The following ADK variants were observed in gnomAD, a reference collection of about 807,000 sequenced individuals.
ADK encodes N6,N6-dimethyladenosine kinase.
A neutral mutation model predicts 44.7 loss-of-function variants in ADK; 24 were observed. The observed-to-expected ratio is 0.54, with a 90% CI of 0.39 to 0.76. The LOEUF (loss-of-function observed/expected upper bound fraction) is 0.76, where lower values mean the gene tolerates loss of function less well. Among genes scored for constraint, ADK ranks in the 30% least tolerant of loss-of-function variants. The pLI is 0.00. For synonymous variants in ADK, 128 were observed against 142.6 expected (o/e 0.90, Z 0.73); for missense variants, 321 against 425.1 (o/e 0.76, Z 2.15).
At chr10:74,474,107 A>G (rs1318534577) in intron 6 of ADK, among the ~76,000 whole-genome samples, 2 of 151,806 alleles carry the variant, frequency 1.3e-5, no homozygotes, top group East Asian at 3.9e-4. Context: ...CTTTGCTTCC[A>G]TTTTTAATAT....
rs182369444 is a variant in ADK at position 74,556,639 on chromosome 10, A to C, written c.726+31213A>C. ...AGTCTTACTGAGCAATTCTTAACCA[A>C]TCTTAGCTTTTCTCCTACTGTCTCC... is the stretch of plus-strand genomic sequence containing the variant. On this transcript the variant is annotated intron_variant, in intron 7 of 10. Coordinates refer to ENST00000539909, the MANE Select transcript of ADK (RefSeq NM_006721.4). Among the ~76,000 whole-genome samples, 19 of 152,248 alleles carry C rather than the reference A, an allele frequency of 1.2e-4. No individual in the cohort carries two copies. In the East Asian group the frequency reaches 2.9e-3, roughly 23 times the overall value.
intron 9 of ADK, among the ~76,000 whole-genome samples, chr10:74,609,007 C>A (rs1430755073): frequency 6.6e-6 from 1 of 152,052 alleles, no homozygotes. Context: ...ACTTTTTTTG[C>A]GAACTTTGTT....
chr10:74,618,673 A>G (rs1488326765), intron 9 of ADK, among the ~76,000 whole-genome samples: 3 of 152,066 alleles, frequency 2.0e-5, no homozygotes, highest in Non-Finnish European at 4.4e-5. Flanking sequence ...ATACTTTTTG[A>G]GTTCTTTATA....
At chr10:74,672,848 G>GA (rs974411164) in intron 10 of ADK, among the ~76,000 whole-genome samples, 2 of 151,972 alleles carry the variant, frequency 1.3e-5, no homozygotes, top group African/African-American at 4.8e-5. Context: ...TTTTACTGAT[G>GA]AAAAAAACAG....
intron 6 of ADK, among the ~76,000 whole-genome samples, chr10:74,401,385 G>T (rs2132874812): frequency 6.6e-6 from 1 of 152,240 alleles, no homozygotes; most frequent in South Asian, 2.1e-4. Flanking sequence ...ATGAATCTGG[G>T]TGCTCCTGTA....
intron 4 of ADK, among the ~76,000 whole-genome samples, chr10:74,326,557 A>C (rs1009415688): frequency 6.6e-6 from 1 of 152,028 alleles, no homozygotes; most frequent in Non-Finnish European, 1.5e-5. Context: ...GCTGCAGTGA[A>C]CTATGATCAT....
chr10:74,408,867 C>G (rs1483511489), intron 6 of ADK, among the ~76,000 whole-genome samples: 1 of 151,980 alleles, frequency 6.6e-6, no homozygotes, highest in African/African-American at 2.4e-5. Flanking sequence ...GAGTGGTTGG[C>G]CTTCATGTCT....
chr10:74,422,325 A>G (rs139123206), intron 6 of ADK, among the ~76,000 whole-genome samples: 1 of 152,262 alleles, frequency 6.6e-6, no homozygotes, highest in African/African-American at 2.4e-5. Flanking sequence ...GTTGTGAACA[A>G]TGAAGAAAGA....
chr10:74,371,652 A>G, intron 4 of ADK: 3 of 1,019,934 alleles, frequency 2.9e-6, no homozygotes, highest in Non-Finnish European at 3.1e-6. Context: ...GTACATCTCT[A>G]TAAGGAAAAG....
At chr10:74,160,711 G>GTGTGTA (rs1485428052) in intron 1 of ADK, among the ~76,000 whole-genome samples, 6 of 150,020 alleles carry the variant, frequency 4.0e-5, no homozygotes, top group Non-Finnish European at 8.9e-5. Context: ...GTGTGTGTGT[G>GTGTGTA]TGTGTGTATG....
chr10:74,298,782 A>G, intron 3 of ADK, among the ~76,000 whole-genome samples: 1 of 147,796 alleles, frequency 6.8e-6, no homozygotes, highest in South Asian at 2.1e-4. Flanking sequence ...AAAACAAACC[A>G]GAATTGAGGA....
chr10:74,263,136 C>T (rs1292388366), intron 3 of ADK, among the ~76,000 whole-genome samples: 2 of 152,170 alleles, frequency 1.3e-5, no homozygotes, highest in Non-Finnish European at 2.9e-5. Context: ...TCGTCTCCCA[C>T]CCCAAATATT....
intron 9 of ADK, among the ~76,000 whole-genome samples, chr10:74,663,743 A>G (rs991576348): frequency 6.6e-6 from 1 of 152,230 alleles, no homozygotes; most frequent in African/African-American, 2.4e-5. Context: ...AGTTAACTAG[A>G]AAATTAAATT....
At chr10:74,675,741 GT>G (rs1402643813) in intron 10 of ADK, among the ~76,000 whole-genome samples, 4 of 152,158 alleles carry the variant, frequency 2.6e-5, no homozygotes, top group African/African-American at 9.6e-5. Flanking sequence ...CACTGTCATT[GT>G]TCCCAGTGAA....
intron 6 of ADK, among the ~76,000 whole-genome samples, chr10:74,431,623 C>G (rs568895853): frequency 7.2e-5 from 11 of 152,216 alleles, no homozygotes; most frequent in Admixed American, 7.2e-4. Flanking sequence ...CACCTGTAAT[C>G]TCAGTTGCTC....
chr10:74,477,516 T>G (rs561795139), intron 6 of ADK, among the ~76,000 whole-genome samples: 6 of 152,214 alleles, frequency 3.9e-5, no homozygotes, highest in Non-Finnish European at 2.9e-5. Context: ...CCAAGATTTT[T>G]TAAAAGATAA....
chr10:74,457,125 A>G (rs548881078), intron 6 of ADK, among the ~76,000 whole-genome samples: 1 of 152,250 alleles, frequency 6.6e-6, no homozygotes, highest in African/African-American at 2.4e-5. Context: ...TCAAATAGAC[A>G]CAATAAAAAA....
intron 5 of ADK, among the ~76,000 whole-genome samples, chr10:74,397,411 G>A (rs1040302564): frequency 2.0e-5 from 3 of 151,970 alleles, no homozygotes; most frequent in Admixed American, 6.6e-5. Flanking sequence ...AGAAAAATTG[G>A]CAAGTAATTT....
At chr10:74,337,872 C>T (rs1476929561) in intron 4 of ADK, among the ~76,000 whole-genome samples, 3 of 151,204 alleles carry the variant, frequency 2.0e-5, no homozygotes, top group African/African-American at 7.3e-5. Flanking sequence ...AAGTGATTGT[C>T]ATGCCTCAGC....
Sources: gnomAD v4.1 joint callset for allele counts (sites outside exome capture counted in the v4.1 genomes callset) on GRCh38, gnomAD v4.1.1 for gene constraint, MANE v1.5 for transcripts, NCBI Gene and HGNC (gene_info 2026-07-23, HGNC 2026-07-21) for gene names.